Variants in TNC observed in about 807,000 individuals in gnomAD.
TNC encodes the protein tenascin C.
A neutral mutation model predicts 202.4 loss-of-function variants in TNC; 109 were observed. That is an observed-to-expected ratio of 0.54 (90% CI 0.46 to 0.63). TNC has a LOEUF of 0.63. TNC is among the 30% of genes least tolerant of loss of function. The probability of loss-of-function intolerance (pLI) is 0.00; values close to 1 mark genes in which losing one functional copy is unlikely to be tolerated. For synonymous variants in TNC, 1,007 were observed against 1,089.7 expected (o/e 0.92, Z 1.50); for missense variants, 2,756 against 2,833.3 (o/e 0.97, Z 0.62).
chr9:115,056,289 C>A (rs186956059), intron 15 of TNC, among the ~76,000 whole-genome samples: 1 of 151,700 alleles, frequency 6.6e-6, no homozygotes, highest in East Asian at 1.9e-4. Flanking sequence ...GTGATTTCTT[C>A]ATTTACCTCT....
At chr9:115,024,250 T>A in intron 26 of TNC, 114 bp from the exon 27 acceptor site, 1 of 1,048,688 alleles carries the variant, frequency 9.5e-7, no homozygotes, top group Non-Finnish European at 1.4e-6. Flanking sequence ...GGGACTGGCC[T>A]TGAACATTGA....
chr9:115,059,983 T>C lies in TNC; in HGVS notation c.4053A>G (p.Gly1351=), dbSNP rs752619179. 39 of 1,613,226 alleles carry C rather than the reference T, an allele frequency of 2.4e-5. No individual in the cohort carries two copies. Among genetic ancestry groups the C allele is most frequent in the Non-Finnish European group, 3.3e-5 (39 of 1,179,592 alleles). The change falls in exon 14 of 28, where the codon GGA becomes GGG. Residue 1351 remains glycine, a synonymous_variant. Coordinates refer to ENST00000350763, the MANE Select transcript of TNC (RefSeq NM_002160.4). The part of the protein sequence containing the change: ...EVVTEDLPQL[G]DLAVSEVGWD... ...AGCCAACCTCAGACACGGCTAAATC[T>C]CCCAGCTGTGGGAGATCCTCTGAAG...
intron 15 of TNC, among the ~76,000 whole-genome samples, chr9:115,049,519 C>A (rs1831484185): frequency 1.3e-5 from 2 of 152,146 alleles, no homozygotes; most frequent in South Asian, 4.1e-4. Context: ...ATCAGGTCTT[C>A]CGACTCCAAG....
At chr9:115,075,561 C>A (rs145246160) in intron 9 of TNC, among the ~76,000 whole-genome samples, 1 of 152,030 alleles carries the variant, frequency 6.6e-6, no homozygotes, top group Admixed American at 6.6e-5. Context: ...CCGAGGTGGG[C>A]GGATCATGAG....
rs769208187 is a variant in TNC, at chr9:115,078,139, G to A, written c.2478C>T (p.Pro826=). 1 of 1,614,122 alleles carries A rather than the reference G, an allele frequency of 6.2e-7. No individual in the cohort carries two copies. Among genetic ancestry groups the A allele is most frequent in the African/African-American group, 1.3e-5 (1 of 75,044 alleles). ...GCTCAATGCCATCGATCTCAGCCAG[G>A]GGCTTGAACCAGGTGATCAAGGCAG... ...DTTALITWFK[P]LAEIDGIELT... The change falls in exon 7 of 28, where the codon CCC becomes CCT. Residue 826 remains proline, a synonymous_variant. Transcript: ENST00000350763.
chr9:115,055,986 A>G (rs1375326363), intron 15 of TNC, among the ~76,000 whole-genome samples: 1 of 152,144 alleles, frequency 6.6e-6, no homozygotes, highest in Non-Finnish European at 1.5e-5. Context: ...TAGCAACTGG[A>G]TAATGTTGGC....
chr9:115,056,736 T>A (rs1832155683), intron 15 of TNC, among the ~76,000 whole-genome samples: 1 of 152,200 alleles, frequency 6.6e-6, no homozygotes, highest in Non-Finnish European at 1.5e-5. Context: ...ATTTGGGTAT[T>A]GCGAGGTCCA....
chr9:115,098,938 A>ATTTTTTTTTT (rs35624621), intron 1 of TNC, among the ~76,000 whole-genome samples: 2 of 127,358 alleles, frequency 1.6e-5, no homozygotes, highest in Non-Finnish European at 1.6e-5. Flanking sequence ...TTAAGTGTGT[A>ATTTTTTTTTT]TTTTTTTTTT....
rs190134932 is a variant in TNC at position 115,029,603 on chromosome 9, C to T, written c.6073-147G>A. 4.2e-6 allele frequency: 3 copies of T among 718,776 alleles called. No individual in the cohort carries two copies. In the Admixed American group the frequency reaches 7.2e-5, roughly 17 times the overall value. 44.5% of individuals were successfully genotyped at this position (718,776 alleles called of 1,614,324 possible). ...TTTGCTATGTAACTTTGGGTGGTCACCTGCCCCTCCTTAAGTCTTGGTGTT... is the reference window on the plus strand; with the variant it reads ...TTTGCTATGTAACTTTGGGTGGTCATCTGCCCCTCCTTAAGTCTTGGTGTT... On this transcript the variant is annotated intron_variant, in intron 24 of 27. Coordinates refer to ENST00000350763, the MANE Select transcript of TNC (RefSeq NM_002160.4).
chr9:115,086,093 C>T lies in TNC; in HGVS notation c.1638G>A (p.Gln546=), dbSNP rs775212622. 2 of 1,613,338 alleles carry T rather than the reference C, an allele frequency of 1.2e-6. No homozygotes were observed. Among genetic ancestry groups the T allele is most frequent in the African/African-American group, 1.3e-5 (1 of 74,934 alleles). ...CCATAAATCCTTCATGGCACACGCA[C>T]TGCCCATTCACACAGCGACCCTGGC... ...CHGQGRCVNG[Q]CVCHEGFMGK... Residue 546 remains glutamine (Q), a synonymous_variant, in exon 3 of 28, where the codon CAG becomes CAA. Transcript: ENST00000350763.
chr9:115,101,307 G>A (rs1334900036), intron 1 of TNC, among the ~76,000 whole-genome samples: 3 of 152,178 alleles, frequency 2.0e-5, no homozygotes, highest in Non-Finnish European at 4.4e-5. Flanking sequence ...TACCTTCCAG[G>A]TTCAAGCGAT....
intron 9 of TNC, among the ~76,000 whole-genome samples, chr9:115,075,786 C>CAAA (rs1833799816): frequency 6.6e-6 from 1 of 151,768 alleles, no homozygotes; most frequent in South Asian, 2.1e-4. Flanking sequence ...TCCATCTCAA[C>CAAA]AACAACAACA....
chr9:115,048,905 C>T (rs148100238), intron 15 of TNC, among the ~76,000 whole-genome samples: 47 of 151,260 alleles, frequency 3.1e-4, no homozygotes, highest in African/African-American at 1.1e-3. Flanking sequence ...GTTTGGATCC[C>T]GTTGTCTACT....
intron 2 of TNC, 48 bp downstream of exon 2, chr9:115,090,514 T>C: frequency 6.9e-7 from 1 of 1,445,364 alleles, no homozygotes; most frequent in Non-Finnish European, 9.4e-7. Flanking sequence ...TGCTCTTCAT[T>C]TCTCCATGTT....
intron 3 of TNC, 80 bp from the exon 4 acceptor site, chr9:115,084,552 C>T (rs746111467): frequency 5.9e-5 from 89 of 1,501,176 alleles, no homozygotes; most frequent in Non-Finnish European, 7.0e-5. Context: ...CCTGTCTTTT[C>T]CACTGTCAGC....
At chr9:115,021,639 T>C (rs1829078182) in intron 27 of TNC, among the ~76,000 whole-genome samples, 1 of 152,162 alleles carries the variant, frequency 6.6e-6, no homozygotes, top group Admixed American at 6.5e-5. Flanking sequence ...AATAGCTACA[T>C]ACATGGTGTG....
chr9:115,082,015 C>A, intron 5 of TNC, 87 bp from the exon 6 acceptor site: 1 of 1,305,488 alleles, frequency 7.7e-7, no homozygotes, highest in South Asian at 1.4e-5. Flanking sequence ...TTCATTCATT[C>A]CTCTGTTATT....
At chr9:115,111,951 G>A (rs1159470341) in intron 1 of TNC, among the ~76,000 whole-genome samples, 1 of 152,134 alleles carries the variant, frequency 6.6e-6, no homozygotes, top group Non-Finnish European at 1.5e-5. Context: ...AACCTCATGA[G>A]AGACCATGAG....
intron 1 of TNC, among the ~76,000 whole-genome samples, chr9:115,103,363 A>G (rs2989517): frequency 0.98 from 148,924 of 152,358 alleles, 72,878 homozygotes; most frequent in East Asian, 1. Context: ...TGCAGTATTT[A>G]TCATTTTGTT....
Sources: allele counts gnomAD v4.1 joint callset (sites outside exome capture counted in the v4.1 genomes callset), GRCh38; gene constraint gnomAD v4.1.1; transcripts MANE v1.5; gene names NCBI Gene and HGNC (gene_info 2026-07-23, HGNC 2026-07-21).